The following EIF2AK2 variants were observed in gnomAD, a reference collection of about 807,000 sequenced individuals.
EIF2AK2 encodes eukaryotic translation initiation factor 2 alpha kinase 2.
In EIF2AK2, 40 loss-of-function variants were observed where a neutral mutation model predicts 70.5. The observed-to-expected ratio is 0.57, with a 90% CI of 0.44 to 0.74. The LOEUF (loss-of-function observed/expected upper bound fraction) is 0.74. Ranked by LOEUF, EIF2AK2 falls within the 30% of genes least tolerant of loss-of-function variation. The pLI, the probability that EIF2AK2 is intolerant of heterozygous loss-of-function variation, is 0.00. For synonymous variants in EIF2AK2, 198 were observed against 220.9 expected (o/e 0.90, Z 0.92); for missense variants, 555 against 644.3 (o/e 0.86, Z 1.50).
chr2:37,125,722 T>G, intron 11 of EIF2AK2, among the ~76,000 whole-genome samples: 1 of 152,166 alleles, frequency 6.6e-6, no homozygotes, highest in East Asian at 1.9e-4. Context: ...AGACCCCAAG[T>G]GAGAATTGTC....
chr2:37,130,955 G>T (rs1674918917), intron 10 of EIF2AK2, among the ~76,000 whole-genome samples: 1 of 152,108 alleles, frequency 6.6e-6, no homozygotes, highest in Non-Finnish European at 1.5e-5. Context: ...TTCATAGCTA[G>T]GATTAATCAT....
intron 13 of EIF2AK2, among the ~76,000 whole-genome samples, chr2:37,116,862 T>G (rs1674360668): frequency 6.6e-6 from 1 of 152,202 alleles, no homozygotes. Flanking sequence ...TGTAAATATC[T>G]AAGCTGGATG....
chr2:37,122,727 C>T (rs1674599690), intron 11 of EIF2AK2, 63 bp from the exon 12 acceptor site: 10 of 1,592,484 alleles, frequency 6.3e-6, no homozygotes, highest in Non-Finnish European at 8.6e-6. Context: ...AACCACAAAA[C>T]ACCTCATGTA....
chr2:37,154,271 G>A (rs1321399508), intron 1 of EIF2AK2, among the ~76,000 whole-genome samples: 1 of 151,736 alleles, frequency 6.6e-6, no homozygotes, highest in African/African-American at 2.4e-5. Flanking sequence ...GTTGCGGTGA[G>A]CTGAGATCGT....
At chr2:37,141,907 T>C (rs4648174) in intron 4 of EIF2AK2, among the ~76,000 whole-genome samples, 46,817 of 152,080 alleles carry the variant, frequency 0.31, 8,265 homozygotes, top group Non-Finnish European at 0.39. Context: ...ATTTTAACAA[T>C]AGGAAAGAAG....
intron 1 of EIF2AK2, among the ~76,000 whole-genome samples, chr2:37,154,706 G>A (rs989648457): frequency 1.3e-5 from 2 of 151,914 alleles, no homozygotes; most frequent in Non-Finnish European, 2.9e-5. Flanking sequence ...GATTACAGGC[G>A]CCCACCACCA....
chr2:37,108,489 C>T (rs1462202067), intron 15 of EIF2AK2, among the ~76,000 whole-genome samples: 1 of 152,238 alleles, frequency 6.6e-6, no homozygotes, highest in Non-Finnish European at 1.5e-5. Context: ...CCACAGACTT[C>T]ATGCCTTCTC....
At chr2:37,130,992 T>C (rs971164488) in intron 10 of EIF2AK2, among the ~76,000 whole-genome samples, 4 of 152,224 alleles carry the variant, frequency 2.6e-5, no homozygotes, top group African/African-American at 9.6e-5. Context: ...GAAATTCCAC[T>C]AGCATGAAAG....
intron 13 of EIF2AK2, among the ~76,000 whole-genome samples, chr2:37,117,242 A>G (rs1342433368): frequency 6.7e-6 from 1 of 149,438 alleles, no homozygotes; most frequent in African/African-American, 2.5e-5. Flanking sequence ...AAAGAAAAAA[A>G]GAAAAGAAAA....
At chr2:37,149,396 A>C in intron 1 of EIF2AK2, 1 of 512,946 alleles carries the variant, frequency 1.9e-6, no homozygotes, top group Non-Finnish European at 3.4e-6. Flanking sequence ...GTCAAATGAC[A>C]AAGATTTTAA....
In EIF2AK2 at chr2:37,100,727, C is replaced by T. The variant is rs1673808149; in HGVS notation, c.*6546G>A. ...TCCTATCTTGTATTTCCTACAGTCT[C>T]CTCCTATCTTCAGTGCAGTGTTCTG... is the stretch of plus-strand genomic sequence containing the variant. On this transcript the variant is annotated 3_prime_UTR_variant, in exon 17 of 17. Transcript: ENST00000233057. The T allele has an allele frequency of 6.6e-6, 1 of 152,130 alleles. No homozygotes were observed. Among genetic ancestry groups the T allele is most frequent in the Admixed American group, 6.6e-5 (1 of 15,262 alleles). 9.4% of individuals were successfully genotyped at this position (152,130 alleles called of 1,614,324 possible).
chr2:37,117,224 A>G (rs1275269451), intron 13 of EIF2AK2, among the ~76,000 whole-genome samples: 6 of 150,940 alleles, frequency 4.0e-5, no homozygotes, highest in African/African-American at 7.3e-5. Context: ...AAAAAAAAAA[A>G]AAAGAAAAAA....
chr2:37,138,185 T>C (rs1675194635), intron 8 of EIF2AK2, 85 bp downstream of exon 8: 1 of 1,024,450 alleles, frequency 9.8e-7, no homozygotes. Context: ...ATAAAAATTA[T>C]GGTGGAATAC....
Position 37,128,548 on chromosome 2 carries a change from T to G in EIF2AK2, c.786-2137A>C, listed in dbSNP as rs1463056465. On this transcript the variant is annotated intron_variant, in intron 10 of 16. Transcript: ENST00000233057. Reference sequence around the variant, plus strand: ...ACATGATCAATCGTGCGCCGGATAGTGCAATGTCAATTAAACTGTTCGGGT... The same window carrying G: ...ACATGATCAATCGTGCGCCGGATAGGGCAATGTCAATTAAACTGTTCGGGT... Among the ~76,000 whole-genome samples the G allele has an allele frequency of 1.4e-4, 22 of 152,196 alleles. 1 individual carries two copies. Among genetic ancestry groups the G allele is most frequent in the Non-Finnish European group, 4.4e-5 (3 of 68,030 alleles).
chr2:37,131,129 A>G (rs1674925206), intron 10 of EIF2AK2, among the ~76,000 whole-genome samples: 1 of 152,226 alleles, frequency 6.6e-6, no homozygotes, highest in Non-Finnish European at 1.5e-5. Context: ...TTATGAACAC[A>G]CAAGAGGAAA....
chr2:37,156,449 C>T (rs1020692220), intron 1 of EIF2AK2, among the ~76,000 whole-genome samples: 1 of 152,080 alleles, frequency 6.6e-6, no homozygotes, highest in African/African-American at 2.4e-5. Flanking sequence ...GAACTGCGGC[C>T]AGGCAATTGG....
At chr2:37,148,115 C>T (rs967214129) in intron 2 of EIF2AK2, among the ~76,000 whole-genome samples, 1 of 152,064 alleles carries the variant, frequency 6.6e-6, no homozygotes, top group Non-Finnish European at 1.5e-5. Flanking sequence ...CTCAGGAGTT[C>T]GAGACCAGCC....
intron 4 of EIF2AK2, among the ~76,000 whole-genome samples, chr2:37,142,649 A>G (rs1287137960): frequency 1.3e-5 from 2 of 151,582 alleles, no homozygotes; most frequent in African/African-American, 4.8e-5. Flanking sequence ...GCTTGAGTTA[A>G]AAAAAAATTG....
chr2:37,138,674 T>C (rs1019853863), intron 6 of EIF2AK2, 89 bp from the exon 7 acceptor site: 1 of 1,088,518 alleles, frequency 9.2e-7, no homozygotes, highest in Non-Finnish European at 1.4e-6. Flanking sequence ...CACATTTATT[T>C]CAACACATTT....
Sources: gnomAD v4.1 joint callset for allele counts (sites outside exome capture counted in the v4.1 genomes callset) on GRCh38, gnomAD v4.1.1 for gene constraint, MANE v1.5 for transcripts, NCBI Gene and HGNC (gene_info 2026-07-23, HGNC 2026-07-21) for gene names.